The following IQSEC2 variants were observed in gnomAD, a reference collection of about 807,000 sequenced individuals.
IQSEC2 encodes the protein IQ motif and Sec7 domain ArfGEF 2.
A neutral mutation model predicts 74.6 loss-of-function variants in IQSEC2; 6 were observed. That is an observed-to-expected ratio of 0.08 (90% confidence interval 0.04 to 0.16). IQSEC2 has a LOEUF of 0.16. Ranked by LOEUF, IQSEC2 falls within the 10% of genes least tolerant of loss-of-function variation. The pLI is 1.00. For synonymous variants in IQSEC2, 494 were observed against 544.5 expected, an observed-to-expected ratio of 0.91 and a Z score of 1.29; for missense variants, 734 against 1,306.2, an observed-to-expected ratio of 0.56 and a Z score of 6.75.
intron 1 of IQSEC2, among the ~76,000 whole-genome samples, chrX:53,292,727 C>T (rs1026194975): frequency 8.9e-6 from 1 of 111,756 alleles, no homozygotes; most frequent in Admixed American, 9.4e-5. Flanking sequence ...TCTCCCACCA[C>T]GCCTTCCCAA....
chrX:53,310,111 C>A (rs1232905453), intron 1 of IQSEC2, among the ~76,000 whole-genome samples: 5 of 111,400 alleles, frequency 4.5e-5, no homozygotes, highest in African/African-American at 1.6e-4. Flanking sequence ...AGAAATATGC[C>A]AGGCATGGTG....
intron 9 of IQSEC2, among the ~76,000 whole-genome samples, chrX:53,242,737 T>C (rs1294258301): frequency 6.3e-5 from 7 of 111,069 alleles, no homozygotes; most frequent in Non-Finnish European, 1.3e-4. Context: ...CGTTTTCTTT[T>C]TTTTTTTCTT....
intron 5 of IQSEC2, 152 bp downstream of exon 5, chrX:53,250,127 A>T (rs2074362880): frequency 1.5e-6 from 1 of 684,711 alleles, no homozygotes; most frequent in African/African-American, 2.2e-5. Flanking sequence ...CCCTGTTGCC[A>T]ATCCTCTTCC....
chrX:53,248,932 C>T (rs2074346342), intron 5 of IQSEC2, 50 bp from the exon 6 acceptor site: 1 of 1,157,139 alleles, frequency 8.6e-7, no homozygotes, highest in African/African-American at 1.8e-5. Context: ...TGGAACTGTG[C>T]TCTCTGTCTC....
chrX:53,320,505 G>T lies in IQSEC2; in HGVS notation c.619C>A (p.Arg207Ser), dbSNP rs1295281780. ...GGACTGGAGCTCCTGGATGCGCCAC[G>T]GCTCAGCTGGCCCCGCTCCCGCGGT... ...RPPRERGQLS[R>S]GASRSSSPGA... Residue 207 changes from arginine to serine, a missense_variant, in exon 1 of 15, where the codon CGT (arginine) becomes AGT (serine). Arg to Ser is a moderately radical substitution (Grantham distance 110, BLOSUM62 -1). This residue lies in a region of IQSEC2 where 134 missense variants were observed against 214.9 expected (regional missense o/e 0.62). Coordinates refer to ENST00000642864, the MANE Select transcript of IQSEC2 (RefSeq NM_001111125.3). The T allele has an allele frequency of 3.9e-5, 45 of 1,160,570 alleles. No homozygotes were observed. Among genetic ancestry groups the T allele is most frequent in the Non-Finnish European group, 5.1e-5 (44 of 870,534 alleles).
At chrX:53,262,952 G>A (rs782232346) in intron 2 of IQSEC2, among the ~76,000 whole-genome samples, 8 of 112,737 alleles carry the variant, frequency 7.1e-5, no homozygotes, top group South Asian at 3.6e-4. Flanking sequence ...ACAGAGAGAT[G>A]AAGTAACCTG....
intron 1 of IQSEC2, among the ~76,000 whole-genome samples, chrX:53,317,776 T>C (rs2075392675): frequency 8.9e-6 from 1 of 112,560 alleles, no homozygotes; most frequent in African/African-American, 3.2e-5. Flanking sequence ...TCCAGCGGCT[T>C]CTCACCCACT....
intron 2 of IQSEC2, among the ~76,000 whole-genome samples, chrX:53,277,917 C>T (rs1371006795): frequency 1.8e-5 from 2 of 110,710 alleles, no homozygotes; most frequent in Non-Finnish European, 3.8e-5. Context: ...GTGATCCACC[C>T]ACCTTGGCCT....
At chrX:53,266,950 C>T (rs1602312052) in intron 2 of IQSEC2, 2 of 1,152,867 alleles carry the variant, frequency 1.7e-6, no homozygotes, top group Middle Eastern at 2.6e-4. Context: ...TAGAAAATGG[C>T]CCTTGTCCTC....
At chrX:53,288,018 G>A (rs1198020386) in intron 2 of IQSEC2, among the ~76,000 whole-genome samples, 1 of 111,771 alleles carries the variant, frequency 8.9e-6, no homozygotes, top group Non-Finnish European at 1.9e-5. Context: ...ATCTGTGTCT[G>A]CAGCAACCCC....
At chrX:53,298,944 TTCAA>T (rs1485119156) in intron 1 of IQSEC2, among the ~76,000 whole-genome samples, 3 of 112,355 alleles carry the variant, frequency 2.7e-5, no homozygotes, top group African/African-American at 9.7e-5. Flanking sequence ...TGTTTGCTTT[TTCAA>T]TCAGTCTTCC....
intron 2 of IQSEC2, among the ~76,000 whole-genome samples, chrX:53,270,094 G>A (rs1240667352): frequency 1.8e-4 from 20 of 110,800 alleles, no homozygotes; most frequent in Non-Finnish European, 3.8e-5. Flanking sequence ...TTGCTGGACA[G>A]CTCTACCAGG....
chrX:53,240,026 C>T (rs1434328175), intron 10 of IQSEC2, among the ~76,000 whole-genome samples: 1 of 111,926 alleles, frequency 8.9e-6, no homozygotes, highest in Admixed American at 9.4e-5. Context: ...GCTGGACATA[C>T]ACCAGTTTCA....
In IQSEC2 at chrX:53,266,643, A is replaced by G. The variant is rs782311258; in HGVS notation, c.738-10582T>C. On this transcript the variant is annotated intron_variant, in intron 2 of 14. Transcript: ENST00000642864. Reference sequence around the variant, plus strand: ...GACCTCTCCAGTAGTGGCAGGCTCCAGGGTGCCTGGGAAGTGGGAGTGCGG... The same window carrying G: ...GACCTCTCCAGTAGTGGCAGGCTCCGGGGTGCCTGGGAAGTGGGAGTGCGG... 222 of 837,585 alleles carry G rather than the reference A, an allele frequency of 2.7e-4. 1 individual carries two copies. The highest frequency in any genetic ancestry group is 6.2e-4 in the Middle Eastern group (1 of 1,626). The allele number at this position is 837,585 out of a possible 1,213,427, so 69.0% of individuals were successfully genotyped here.
At chrX:53,271,723 A>G (rs1222051164) in intron 2 of IQSEC2, among the ~76,000 whole-genome samples, 1 of 111,346 alleles carries the variant, frequency 9.0e-6, no homozygotes, top group African/African-American at 3.3e-5. Context: ...CCTGCATACA[A>G]CCCATTTTTC....
intron 6 of IQSEC2, 24 bp downstream of exon 6, chrX:53,248,697 C>A: frequency 8.3e-7 from 1 of 1,205,778 alleles, no homozygotes; most frequent in Non-Finnish European, 1.1e-6. Context: ...CCTGGCCCAG[C>A]CTGCCCCATC....
At chrX:53,257,234 T>C (rs1197554991) in intron 2 of IQSEC2, among the ~76,000 whole-genome samples, 1 of 110,873 alleles carries the variant, frequency 9.0e-6, no homozygotes, top group Admixed American at 9.4e-5. Context: ...AGGGCAGAAA[T>C]GGGCTGGGGT....
intron 11 of IQSEC2, 127 bp from the exon 12 acceptor site, chrX:53,238,433 G>T: frequency 1.5e-6 from 1 of 650,466 alleles, no homozygotes; most frequent in Non-Finnish European, 2.4e-6. Flanking sequence ...AGGCTGGAGT[G>T]CAGTGGTGCC....
intron 5 of IQSEC2, 98 bp downstream of exon 5, chrX:53,250,181 G>A (rs1312546020): frequency 1.1e-6 from 1 of 925,055 alleles, no homozygotes; most frequent in Non-Finnish European, 1.6e-6. Context: ...ATGAAAGGAT[G>A]GCAGAACGGG....
Sources: allele counts gnomAD v4.1 joint callset (sites outside exome capture counted in the v4.1 genomes callset), GRCh38; gene constraint gnomAD v4.1.1; regional missense constraint gnomAD v4.1.1; transcripts MANE v1.5; gene names NCBI Gene and HGNC (gene_info 2026-07-23, HGNC 2026-07-21).